CLASP1: variants seen among roughly 807,000 people sequenced by gnomAD.
The protein encoded by CLASP1 is cytoplasmic linker associated protein 1.
CLASP1 carries 38 observed loss-of-function variants against 192.3 expected under a neutral mutation model. The observed-to-expected ratio is 0.20, with a 90% CI of 0.15 to 0.26. CLASP1 has a LOEUF of 0.26. Among genes scored for constraint, CLASP1 ranks in the 10% least tolerant of loss-of-function variants. The pLI is 1.00. For synonymous variants in CLASP1, 691 were observed against 712.8 expected (o/e 0.97, Z 0.49); for missense variants, 1,433 against 1,932.5 (o/e 0.74, Z 4.85).
chr2:121,449,786 A>G (rs2149790948), intron 16 of CLASP1, among the ~76,000 whole-genome samples: 1 of 152,366 alleles, frequency 6.6e-6, no homozygotes, highest in African/African-American at 2.4e-5. Context: ...CAAGTGAAAT[A>G]TAATTTAACT....
At position 121,629,973 on chromosome 2, in the gene CLASP1, T is replaced by A. The variant is rs543711392; in HGVS notation, c.-286+19399A>T. Among the ~76,000 whole-genome samples the A allele has an allele frequency of 2.0e-5, 3 of 152,196 alleles. No individual in the cohort carries two copies. The South Asian group carries it at 6.2e-4, about 32-fold the overall frequency. On this transcript the variant is annotated intron_variant, in intron 1 of 39. Transcript: ENST00000263710. ...TCTTGCTCTGTCACCCAGGCTGGAC[T>A]GCAGTGATGCAATCTTCGCTCACTG...
intron 2 of CLASP1, among the ~76,000 whole-genome samples, chr2:121,603,623 C>T (rs756178878): frequency 1.1e-4 from 16 of 152,194 alleles, no homozygotes; most frequent in Non-Finnish European, 1.9e-4. Flanking sequence ...GAGATATCTG[C>T]TCCCCCATGT....
intron 1 of CLASP1, among the ~76,000 whole-genome samples, chr2:121,643,357 A>T (rs571506097): frequency 1.3e-5 from 2 of 152,228 alleles, no homozygotes; most frequent in South Asian, 2.1e-4. Flanking sequence ...CTTCAATATA[A>T]GCCAAGATGA....
chr2:121,451,293 A>T (rs2085422885), intron 15 of CLASP1, among the ~76,000 whole-genome samples: 1 of 152,242 alleles, frequency 6.6e-6, no homozygotes, highest in Admixed American at 6.5e-5. Context: ...ATGTGCACTT[A>T]TAGCTCAATC....
intron 37 of CLASP1, among the ~76,000 whole-genome samples, chr2:121,360,886 T>C (rs12476675): frequency 0.2 from 30,848 of 152,114 alleles, 5,862 homozygotes; most frequent in African/African-American, 0.5. Flanking sequence ...AAGCAGGATA[T>C]ATATTCTGCT....
chr2:121,459,525 C>T (rs1474083237), intron 12 of CLASP1: 1 of 153,812 alleles, frequency 6.5e-6, no homozygotes, highest in African/African-American at 2.4e-5. Flanking sequence ...TTCCGACATA[C>T]ATTCTAACAC....
At chr2:121,448,189 G>A in intron 18 of CLASP1, 87 bp downstream of exon 18, 1 of 1,157,174 alleles carries the variant, frequency 8.6e-7, no homozygotes, top group Non-Finnish European at 1.3e-6. Context: ...CAGGCCGTTG[G>A]CCTCCTGTGC....
intron 30 of CLASP1, among the ~76,000 whole-genome samples, chr2:121,395,714 G>C (rs973209649): frequency 1.3e-5 from 2 of 152,158 alleles, no homozygotes; most frequent in African/African-American, 4.8e-5. Flanking sequence ...ACAATACACA[G>C]AAAACCAGGC....
At chr2:121,544,890 T>A (rs1315141085) in intron 2 of CLASP1, among the ~76,000 whole-genome samples, 1 of 79,940 alleles carries the variant, frequency 1.3e-5, no homozygotes, top group East Asian at 3.6e-4. Context: ...TTCTTTCTTT[T>A]TCTTTTCTTT....
At position 121,440,497 on chromosome 2, in the gene CLASP1, C is replaced by T. The variant is rs533406189; in HGVS notation, c.1912+6840G>A. 1.4e-4 allele frequency among the ~76,000 whole-genome samples: 22 copies of T among 152,180 alleles called. No individual in the cohort carries two copies. In the South Asian group the frequency reaches 3.1e-3, roughly 22 times the overall value. On this transcript the variant is annotated intron_variant, in intron 19 of 39. Coordinates refer to ENST00000263710, the Ensembl canonical transcript of CLASP1. ...CGAGGGTCACTTGAGTCCAGGAGTTCGAGACCATCCTGGGCAACATGGCGA... is the reference window on the plus strand; with the variant it reads ...CGAGGGTCACTTGAGTCCAGGAGTTTGAGACCATCCTGGGCAACATGGCGA...
intron 9 of CLASP1, among the ~76,000 whole-genome samples, chr2:121,463,794 T>C (rs2088706955): frequency 6.6e-6 from 1 of 152,166 alleles, no homozygotes; most frequent in African/African-American, 2.4e-5. Flanking sequence ...GGAAGGGGTA[T>C]GGACGCGAGA....
chr2:121,493,254 A>G (rs2093395077), intron 8 of CLASP1, among the ~76,000 whole-genome samples: 1 of 152,186 alleles, frequency 6.6e-6, no homozygotes, highest in East Asian at 1.9e-4. Flanking sequence ...TACTACTACC[A>G]TTGCTGTTTT....
At chr2:121,508,522 A>G (rs1294367622) in intron 7 of CLASP1, among the ~76,000 whole-genome samples, 1 of 152,266 alleles carries the variant, frequency 6.6e-6, no homozygotes, top group Non-Finnish European at 1.5e-5. Context: ...ACTACATTAA[A>G]TATAAATAGA....
At chr2:121,459,008 A>C (rs1361565066) in intron 12 of CLASP1, 33 bp from the exon 13 acceptor site, 3 of 1,528,144 alleles carry the variant, frequency 2.0e-6, no homozygotes, top group Non-Finnish European at 2.6e-6. Context: ...GACTATAGTT[A>C]TTTTTCTTAG....
chr2:121,634,968 T>C, intron 1 of CLASP1, among the ~76,000 whole-genome samples: 1 of 152,146 alleles, frequency 6.6e-6, no homozygotes, highest in Admixed American at 6.6e-5. Flanking sequence ...CAAAAGATAG[T>C]TTGCATCCCT....
chr2:121,367,430 G>A (rs930021099), intron 35 of CLASP1, among the ~76,000 whole-genome samples, 158 bp downstream of exon 36: 1 of 152,188 alleles, frequency 6.6e-6, no homozygotes, highest in Non-Finnish European at 1.5e-5. Flanking sequence ...GCGCACAGTA[G>A]GGATTCAGTT....
At chr2:121,342,343 C>T (rs1400188048) in intron 39 of CLASP1, among the ~76,000 whole-genome samples, 2 of 152,094 alleles carry the variant, frequency 1.3e-5, no homozygotes, top group African/African-American at 4.8e-5. Context: ...GTCTTGAACT[C>T]GTGGGCTCAA....
intron 20 of CLASP1, among the ~76,000 whole-genome samples, chr2:121,428,772 G>T (rs1344091193): frequency 6.6e-6 from 1 of 152,172 alleles, no homozygotes; most frequent in East Asian, 1.9e-4. Flanking sequence ...CTTCAGCTAG[G>T]ATGGAAGTCT....
exon 2 of CLASP1, chr2:121,605,987 C>A (rs961968693): frequency 1.8e-6 from 2 of 1,097,882 alleles, no homozygotes; most frequent in East Asian, 2.5e-5. Context: ...CCTCTTTGTT[C>A]GCTGAAGGTT....
Sources: allele counts gnomAD v4.1 joint callset (sites outside exome capture counted in the v4.1 genomes callset), GRCh38; gene constraint gnomAD v4.1.1; transcripts MANE v1.5; gene names NCBI Gene and HGNC (gene_info 2026-07-23, HGNC 2026-07-21).